Variants in TRIM67 observed in about 807,000 individuals in gnomAD.
The protein encoded by TRIM67 is tripartite motif containing 67.
TRIM67 carries 39 observed loss-of-function variants against 71.0 expected under a neutral mutation model. The ratio of observed to expected loss-of-function variants is 0.55; its 90% CI spans 0.43 to 0.72. The LOEUF is 0.72. TRIM67 is among the 30% of genes least tolerant of loss of function. The pLI, the probability that TRIM67 is intolerant of heterozygous loss-of-function variation, is 0.00. For synonymous variants in TRIM67, 481 were observed against 473.9 expected, an observed-to-expected ratio of 1.01 and a Z score of -0.19; for missense variants, 973 against 1,079.2, an observed-to-expected ratio of 0.90 and a Z score of 1.38.
At chr1:231,198,394 C>A (rs1683427371) in intron 2 of TRIM67, among the ~76,000 whole-genome samples, 1 of 149,082 alleles carries the variant, frequency 6.7e-6, no homozygotes, top group African/African-American at 2.5e-5. Flanking sequence ...GGACTGAATT[C>A]TTTTTTTTTT....
intron 8 of TRIM67, among the ~76,000 whole-genome samples, chr1:231,211,446 G>A (rs1683867583): frequency 6.6e-6 from 1 of 152,208 alleles, no homozygotes; most frequent in South Asian, 2.1e-4. Flanking sequence ...CTGGGGGCCT[G>A]AGGCTTTGCT....
At chr1:231,187,401 TA>T in intron 1 of TRIM67, 1 of 987,284 alleles carries the variant, frequency 1.0e-6, no homozygotes, top group Non-Finnish European at 1.4e-6. Flanking sequence ...TTAATTTTTT[TA>T]AAAAATGAGT....
chr1:231,205,304 T>A (rs1181726807), intron 6 of TRIM67, among the ~76,000 whole-genome samples: 1 of 152,188 alleles, frequency 6.6e-6, no homozygotes, highest in Admixed American at 6.5e-5. Flanking sequence ...TTAGCTGTGA[T>A]CTTAGACCAC....
chr1:231,220,817 G>A lies in TRIM67; in HGVS notation c.*5377G>A, dbSNP rs75842465. 4,203 of 152,422 alleles carry A rather than the reference G, an allele frequency of 0.028. 83 individuals carry two copies. The highest frequency in any genetic ancestry group is 0.046 in the South Asian group (222 of 4,822). 9.4% of individuals were successfully genotyped at this position (152,422 alleles called of 1,614,324 possible). A position where few individuals can be genotyped will look rare whatever the true frequency, so the allele number is the denominator to read the frequency against. On this transcript the variant is annotated 3_prime_UTR_variant, in exon 10 of 10. Coordinates refer to ENST00000366653, the MANE Select transcript of TRIM67 (RefSeq NM_001004342.5). ...CTCAAGGAGCACAGTCCTGGGAAAG[G>A]CCTAGGGACCTGTGGGCCGGTGATG... is the stretch of plus-strand genomic sequence containing the variant.
intron 1 of TRIM67, among the ~76,000 whole-genome samples, chr1:231,174,419 G>A (rs1375321690): frequency 5.3e-5 from 8 of 151,508 alleles, no homozygotes; most frequent in Admixed American, 4.6e-4. Context: ...TCCTACCTTA[G>A]CCACCCAAAG....
Position 231,216,928 on chromosome 1 carries a change from A to G in TRIM67, c.*1488A>G. The stretch of plus-strand genomic sequence containing the variant: ...AGTAACATTTCTCTCTCCTTTTAAA[A>G]AGAATATATTTTGTCAAGCATTTTA... On this transcript the variant is annotated 3_prime_UTR_variant, in exon 10 of 10. Transcript: ENST00000366653. The G allele has an allele frequency of 1.0e-6, 1 of 985,642 alleles. No homozygotes were observed. The highest frequency in any genetic ancestry group is 1.2e-6 in the Non-Finnish European group (1 of 829,944). The allele number at this position is 985,642 out of a possible 1,614,324, so 61.1% of individuals were successfully genotyped here. A position where few individuals can be genotyped will look rare whatever the true frequency, so the allele number is the denominator to read the frequency against.
rs1477026672 is a variant in TRIM67, at chr1:231,218,264, C to T, written c.*2824C>T. On this transcript the variant is annotated 3_prime_UTR_variant, in exon 10 of 10. Transcript: ENST00000366653. ...CATAACACGTTACATCATGGTGGCA[C>T]ATTTGTACATACATATAAATGATAT... 3.0e-6 allele frequency: 3 copies of T among 994,042 alleles called. No individual in the cohort carries two copies. The highest frequency in any genetic ancestry group is 3.6e-6 in the Non-Finnish European group (3 of 835,244). 61.6% of individuals were successfully genotyped at this position (994,042 alleles called of 1,614,324 possible). A position where few individuals can be genotyped will look rare whatever the true frequency, so the allele number is the denominator to read the frequency against.
chr1:231,192,666 C>T (rs755372500), intron 1 of TRIM67, among the ~76,000 whole-genome samples: 40 of 152,344 alleles, frequency 2.6e-4, no homozygotes, highest in Non-Finnish European at 3.5e-4. Context: ...GGACATCCCT[C>T]GACAGCGGCT....
In TRIM67 at chr1:231,200,150, G is replaced by A. The variant is rs774006131; in HGVS notation, c.1266G>A (p.Met422Ile). The A allele has an allele frequency of 1.2e-6, 2 of 1,612,458 alleles. No individual in the cohort carries two copies. Among genetic ancestry groups the A allele is most frequent in the East Asian group, 4.5e-5 (2 of 44,870 alleles). The change falls in exon 4 of 10, where the codon ATG (methionine) becomes ATA (isoleucine). Residue 422 changes from methionine (M) to isoleucine (I), a missense_variant and splice_region_variant. Around this residue, in one of 2 missense-constraint regions of TRIM67, gnomAD observed 795 missense variants for 831.3 expected, o/e 0.96. Coordinates refer to ENST00000366653, the MANE Select transcript of TRIM67 (RefSeq NM_001004342.5). ...TTAGAGGAGTCTTTCCATTGCAGAT[G>A]GTTTGGGACCAGATCAATCACTGCA... ...VTKEREHKLK[M>I]VWDQINHCTL...
chr1:231,170,386 T>A (rs752523435), intron 1 of TRIM67, among the ~76,000 whole-genome samples: 4 of 152,346 alleles, frequency 2.6e-5, no homozygotes, highest in Non-Finnish European at 5.9e-5. Context: ...AGTTGCTTTA[T>A]CTTCTCTTTG....
chr1:231,201,589 G>T, intron 5 of TRIM67, 72 bp downstream of exon 5: 2 of 1,515,084 alleles, frequency 1.3e-6, no homozygotes, highest in East Asian at 2.4e-5. Flanking sequence ...GGGCCAGCTC[G>T]GTGCCATAGG....
chr1:231,175,633 G>C (rs958027482), intron 1 of TRIM67, among the ~76,000 whole-genome samples: 1 of 152,186 alleles, frequency 6.6e-6, no homozygotes, highest in Non-Finnish European at 1.5e-5. Context: ...TTTTTACAAA[G>C]GGCAGTAAAC....
chr1:231,174,771 G>C (rs1488475729), intron 1 of TRIM67, among the ~76,000 whole-genome samples: 1 of 152,108 alleles, frequency 6.6e-6, no homozygotes, highest in African/African-American at 2.4e-5. Flanking sequence ...GCTGTGCTCT[G>C]GGAGGTTGTT....
intron 1 of TRIM67, among the ~76,000 whole-genome samples, chr1:231,193,089 C>A (rs1026664758): frequency 6.6e-6 from 1 of 152,212 alleles, no homozygotes; most frequent in African/African-American, 2.4e-5. Flanking sequence ...ACCCTAACTA[C>A]CCTGCCTCTC....
chr1:231,218,319 G>A lies in TRIM67; in HGVS notation c.*2879G>A, dbSNP rs1437118605. 7.1e-6 allele frequency: 7 copies of A among 986,430 alleles called. No individual in the cohort carries two copies. The highest frequency in any genetic ancestry group is 1.2e-6 in the Non-Finnish European group (1 of 830,704). 61.1% of individuals were successfully genotyped at this position (986,430 alleles called of 1,614,324 possible). A position where few individuals can be genotyped will look rare whatever the true frequency, so the allele number is the denominator to read the frequency against. The stretch of plus-strand genomic sequence containing the variant: ...ATGAGGCTTTTGTTGGGCTGGCTGA[G>A]GAGTAACTTGGTGTAAATCTATCAA... On this transcript the variant is annotated 3_prime_UTR_variant, in exon 10 of 10. Transcript: ENST00000366653.
At chr1:231,184,934 A>G (rs965961012) in intron 1 of TRIM67, 16 of 1,307,538 alleles carry the variant, frequency 1.2e-5, no homozygotes, top group Admixed American at 6.5e-5. Context: ...TCAGGGCCCA[A>G]CCCTGAAGCC....
rs1223741716 is a variant in TRIM67, at chr1:231,216,581, G to A, written c.*1141G>A. 1.0e-6 allele frequency: 1 copy of A among 985,428 alleles called. No homozygotes were observed. Among genetic ancestry groups the A allele is most frequent in the Non-Finnish European group, 1.2e-6 (1 of 830,008 alleles). The allele number at this position is 985,428 out of a possible 1,614,324, so 61.0% of individuals were successfully genotyped here. A position where few individuals can be genotyped will look rare whatever the true frequency, so the allele number is the denominator to read the frequency against. Reference sequence around the variant, plus strand: ...TTATGAAAGCATCATGAACACAAGTGGCCCCTGTGGCAGGCCGGGACGGCT... The same window carrying A: ...TTATGAAAGCATCATGAACACAAGTAGCCCCTGTGGCAGGCCGGGACGGCT... On this transcript the variant is annotated 3_prime_UTR_variant, in exon 10 of 10. Coordinates refer to ENST00000366653, the MANE Select transcript of TRIM67 (RefSeq NM_001004342.5).
At chr1:231,185,102 T>A in intron 1 of TRIM67, 2 of 1,532,974 alleles carry the variant, frequency 1.3e-6, no homozygotes, top group Non-Finnish European at 1.7e-6. Flanking sequence ...GGTCACCATC[T>A]GCTGGCTCCT....
chr1:231,185,596 G>A (rs894550455), intron 1 of TRIM67, among the ~76,000 whole-genome samples: 2 of 151,844 alleles, frequency 1.3e-5, no homozygotes, highest in African/African-American at 4.9e-5. Context: ...GAGCCCAGAC[G>A]CGTCCTGCCC....
Sources: gnomAD v4.1 joint callset for allele counts (sites outside exome capture counted in the v4.1 genomes callset) on GRCh38, gnomAD v4.1.1 for gene constraint, gnomAD v4.1.1 regional missense constraint, MANE v1.5 for transcripts, NCBI Gene and HGNC (gene_info 2026-07-23, HGNC 2026-07-21) for gene names.